RNF8: variants seen among roughly 807,000 people sequenced by gnomAD.
RNF8 encodes E3 ubiquitin-protein ligase RNF8.
Under a neutral mutation model 59.3 loss-of-function variants are expected in RNF8, and 8 were observed. The observed-to-expected ratio is 0.13, with a 90% CI of 0.08 to 0.24. The LOEUF (loss-of-function observed/expected upper bound fraction) is 0.24, where lower values mean the gene tolerates loss of function less well. Among genes scored for constraint, RNF8 ranks in the 10% least tolerant of loss-of-function variants. The pLI, the probability that RNF8 is intolerant of heterozygous loss-of-function variation, is 1.00. For missense variants in RNF8, 406 were observed against 572.6 expected (o/e 0.71, Z 2.97); for synonymous variants, 162 against 200.0 (o/e 0.81, Z 1.60).
rs377406661 is a variant in RNF8 at position 37,362,971 on chromosome 6, G to T, written c.240+2397G>T. On this transcript the variant is annotated intron_variant, in intron 2 of 7. Transcript: ENST00000373479. Reference sequence around the variant, plus strand: ...TGGTCAATTCATAAGCTTTTCAGATGGCCCGTCCTTTGTATTGGTATCCAG... The same window carrying T: ...TGGTCAATTCATAAGCTTTTCAGATTGCCCGTCCTTTGTATTGGTATCCAG... Among the ~76,000 whole-genome samples the T allele has an allele frequency of 1.2e-4, 18 of 152,282 alleles. 1 individual carries two copies. Among genetic ancestry groups the T allele is most frequent in the East Asian group, 7.7e-4 (4 of 5,190 alleles).
intron 7 of RNF8, among the ~76,000 whole-genome samples, chr6:37,384,393 C>T (rs1382923265): frequency 3.3e-5 from 5 of 152,236 alleles, no homozygotes; most frequent in Middle Eastern, 6.8e-3. Flanking sequence ...GTACCCCGCT[C>T]CGCCCCCCAA....
chr6:37,354,832 G>C (rs1187620535), intron 1 of RNF8, among the ~76,000 whole-genome samples: 1 of 152,226 alleles, frequency 6.6e-6, no homozygotes, highest in Non-Finnish European at 1.5e-5. Context: ...GGCAGGGCCC[G>C]GCGCCTGAAC....
chr6:37,368,447 C>T (rs1188163943), intron 2 of RNF8, 37 bp from the exon 3 acceptor site: 2 of 1,613,858 alleles, frequency 1.2e-6, no homozygotes, highest in Admixed American at 1.7e-5. Flanking sequence ...AGACGAAAAT[C>T]ATGAAGCTTA....
At position 37,378,588 on chromosome 6, in the gene RNF8, G is replaced by A. The variant is rs139358221; in HGVS notation, c.1236+1555G>A. Among the ~76,000 whole-genome samples, 834 of 130,634 alleles carry A rather than the reference G, an allele frequency of 6.4e-3. 8 individuals are homozygous for A. The highest frequency in any genetic ancestry group is 0.024 in the African/African-American group (780 of 32,560). 85.7% of individuals were successfully genotyped at this position (130,634 alleles called of 152,430 possible). ...TGCACTCCAGCATGGGTGACAGAGC[G>A]AGACTCCGTCTCAAAAAAAAAAAAA... On this transcript the variant is annotated intron_variant, in intron 6 of 7. Coordinates refer to ENST00000373479, the MANE Select transcript of RNF8 (RefSeq NM_003958.4).
At chr6:37,375,131 T>C (rs1038576194) in intron 5 of RNF8, among the ~76,000 whole-genome samples, 1 of 152,208 alleles carries the variant, frequency 6.6e-6, no homozygotes, top group Admixed American at 6.5e-5. Context: ...GGTTATAAAC[T>C]TAAATGCCCA....
intron 7 of RNF8, among the ~76,000 whole-genome samples, chr6:37,389,779 C>G (rs1243918921): frequency 6.6e-6 from 1 of 152,150 alleles, no homozygotes; most frequent in Non-Finnish European, 1.5e-5. Flanking sequence ...CTTCTGTGAG[C>G]TAATAGTTGA....
chr6:37,390,630 C>T (rs999351559), intron 7 of RNF8, 112 bp from the exon 8 acceptor site: 60 of 720,314 alleles, frequency 8.3e-5, no homozygotes, highest in Non-Finnish European at 1.4e-4. Flanking sequence ...TTTCTCAGTT[C>T]GCTATGGCTG....
At chr6:37,389,589 G>A (rs1226146844) in intron 7 of RNF8, among the ~76,000 whole-genome samples, 1 of 152,026 alleles carries the variant, frequency 6.6e-6, no homozygotes, top group Non-Finnish European at 1.5e-5. Context: ...ATAGCAGGTA[G>A]GGCATGACTC....
chr6:37,359,055 C>T (rs896060903), intron 1 of RNF8: 2 of 355,454 alleles, frequency 5.6e-6, no homozygotes, highest in African/African-American at 2.2e-5. Context: ...AAGATCGTGC[C>T]ACTGCACTCC....
chr6:37,361,356 A>C, intron 2 of RNF8: 1 of 456,058 alleles, frequency 2.2e-6, no homozygotes, highest in South Asian at 1.5e-5. Context: ...CAGTTTGTCT[A>C]AGGAGAGGTG....
intron 6 of RNF8, among the ~76,000 whole-genome samples, chr6:37,378,327 G>T (rs1239779527): frequency 6.6e-6 from 1 of 152,022 alleles, no homozygotes; most frequent in Non-Finnish European, 1.5e-5. Flanking sequence ...TAGGCCGGGT[G>T]CAATGGCTCA....
intron 6 of RNF8, among the ~76,000 whole-genome samples, chr6:37,379,670 A>T (rs1455889408): frequency 2.0e-5 from 3 of 152,148 alleles, no homozygotes; most frequent in African/African-American, 7.2e-5. Flanking sequence ...TTGTCAACGA[A>T]CCCACTACAT....
chr6:37,379,263 G>T (rs1486503348), intron 6 of RNF8, among the ~76,000 whole-genome samples: 1 of 152,134 alleles, frequency 6.6e-6, no homozygotes, highest in East Asian at 1.9e-4. Context: ...TGATCTGCCT[G>T]CCTCGGCCTC....
At chr6:37,361,190 G>T in intron 2 of RNF8, 5 of 453,896 alleles carry the variant, frequency 1.1e-5, no homozygotes, top group South Asian at 7.8e-5. Context: ...AATGTGCTGG[G>T]TGTGGTGGCA....
intron 7 of RNF8, 151 bp downstream of exon 7, chr6:37,381,505 G>C (rs1770261376): frequency 1.5e-6 from 1 of 686,686 alleles, no homozygotes; most frequent in Non-Finnish European, 2.4e-6. Flanking sequence ...GGGAGTTAAA[G>C]ATAATGCAGG....
intron 6 of RNF8, among the ~76,000 whole-genome samples, chr6:37,377,501 C>T (rs1770072894): frequency 6.6e-6 from 1 of 152,198 alleles, no homozygotes; most frequent in Non-Finnish European, 1.5e-5. Context: ...AAAGTCACCT[C>T]TAGAGATGAC....
intron 4 of RNF8, among the ~76,000 whole-genome samples, chr6:37,373,792 C>T (rs1436947260): frequency 1.3e-5 from 2 of 152,142 alleles, no homozygotes; most frequent in Non-Finnish European, 2.9e-5. Context: ...GGCCTTTTGA[C>T]ATAACTGCTT....
At chr6:37,358,926 G>A (rs1354297106) in intron 1 of RNF8, among the ~76,000 whole-genome samples, 2 of 151,954 alleles carry the variant, frequency 1.3e-5, no homozygotes, top group African/African-American at 2.4e-5. Flanking sequence ...GTGAAACCCC[G>A]TCTCTACTAA....
chr6:37,373,150 T>C (rs972775669), intron 4 of RNF8, among the ~76,000 whole-genome samples: 37 of 152,162 alleles, frequency 2.4e-4, no homozygotes, highest in African/African-American at 8.7e-4. Context: ...AATCACATAA[T>C]ACCTTCCTCT....
Sources: gnomAD v4.1 joint callset for allele counts (sites outside exome capture counted in the v4.1 genomes callset) on GRCh38, gnomAD v4.1.1 for gene constraint, MANE v1.5 for transcripts, NCBI Gene and HGNC (gene_info 2026-07-23, HGNC 2026-07-21) for gene names.